RBFOX1: variants seen among roughly 807,000 people sequenced by gnomAD.
RBFOX1 encodes RNA binding protein fox-1 homolog 1.
Under a neutral mutation model 57.7 loss-of-function variants are expected in RBFOX1, and 8 were observed. The ratio of observed to expected loss-of-function variants is 0.14; its 90% CI spans 0.08 to 0.25. RBFOX1 has a LOEUF of 0.25. RBFOX1 is among the 10% of genes least tolerant of loss of function. The pLI, the probability that RBFOX1 is intolerant of heterozygous loss-of-function variation, is 1.00. For synonymous variants in RBFOX1, 326 were observed against 222.4 expected, an observed-to-expected ratio of 1.47 and a Z score of -4.15; for missense variants, 611 against 548.5, an observed-to-expected ratio of 1.11 and a Z score of -1.14.
At chr16:7,474,379 G>A (rs554330587) in intron 4 of RBFOX1, among the ~76,000 whole-genome samples, 1 of 152,216 alleles carries the variant, frequency 6.6e-6, no homozygotes, top group Middle Eastern at 3.4e-3. Context: ...ACCTTTTTGT[G>A]TTCCCCAGTG....
At chr16:5,299,393 GAATA>G (rs2063751345) in intron 1 of RBFOX1, among the ~76,000 whole-genome samples, 1 of 152,028 alleles carries the variant, frequency 6.6e-6, no homozygotes, top group Non-Finnish European at 1.5e-5. Context: ...AAACTTCTAT[GAATA>G]AATATTTACC....
chr16:7,647,545 G>C (rs1159152), intron 11 of RBFOX1, among the ~76,000 whole-genome samples: 1 of 95,994 alleles, frequency 1.0e-5, no homozygotes, highest in African/African-American at 3.7e-5. Flanking sequence ...AATTGAACTA[G>C]GAAAAAAAAA....
At chr16:5,607,217 C>T (rs1280589942) in intron 3 of RBFOX1, among the ~76,000 whole-genome samples, 4 of 152,150 alleles carry the variant, frequency 2.6e-5, no homozygotes, top group African/African-American at 7.2e-5. Flanking sequence ...ACCAAGTGTG[C>T]GGACGAGATA....
At chr16:6,184,280 A>G (rs903352931) in intron 1 of RBFOX1, among the ~76,000 whole-genome samples, 2 of 152,172 alleles carry the variant, frequency 1.3e-5, no homozygotes, top group Admixed American at 6.5e-5. Context: ...GAGGATGTTG[A>G]GCACATGAGC....
At chr16:5,283,779 A>G (rs1003421348) in intron 1 of RBFOX1, among the ~76,000 whole-genome samples, 7 of 152,198 alleles carry the variant, frequency 4.6e-5, no homozygotes, top group Admixed American at 2.6e-4. Flanking sequence ...TTACATGCTC[A>G]TAGGCGGAAG....
At chr16:7,205,145 G>A (rs1288637905) in intron 4 of RBFOX1, among the ~76,000 whole-genome samples, 1 of 152,134 alleles carries the variant, frequency 6.6e-6, no homozygotes, top group Non-Finnish European at 1.5e-5. Flanking sequence ...GTAAGATAGA[G>A]GCTGAGAGAC....
intron 2 of RBFOX1, among the ~76,000 whole-genome samples, chr16:5,476,859 A>G (rs1201018446): frequency 6.6e-6 from 1 of 152,260 alleles, no homozygotes; most frequent in African/African-American, 2.4e-5. Context: ...CAGCCCTCCA[A>G]GTTAACCTTT....
chr16:5,314,132 G>A (rs1340677578), intron 1 of RBFOX1, among the ~76,000 whole-genome samples: 1 of 152,200 alleles, frequency 6.6e-6, no homozygotes, highest in Non-Finnish European at 1.5e-5. Context: ...GCTGGGTGCT[G>A]TATTATCTAT....
chr16:6,438,779 A>T (rs919892270), intron 2 of RBFOX1, among the ~76,000 whole-genome samples: 1 of 152,076 alleles, frequency 6.6e-6, no homozygotes, highest in Non-Finnish European at 1.5e-5. Flanking sequence ...TTACTGAGAC[A>T]TGCATAATGC....
chr16:6,979,665 C>T (rs998984379), intron 3 of RBFOX1, among the ~76,000 whole-genome samples: 1 of 152,078 alleles, frequency 6.6e-6, no homozygotes, highest in African/African-American at 2.4e-5. Flanking sequence ...AGTTATGTTT[C>T]AATAGAATTC....
intron 3 of RBFOX1, among the ~76,000 whole-genome samples, chr16:7,002,994 C>G (rs1327383599): frequency 2.0e-5 from 3 of 151,386 alleles, no homozygotes; most frequent in Non-Finnish European, 4.4e-5. Flanking sequence ...TTTCTCCAAA[C>G]TATGAGTGGA....
chr16:6,832,759 C>CA (rs1417647022), intron 3 of RBFOX1, among the ~76,000 whole-genome samples: 34 of 152,198 alleles, frequency 2.2e-4, no homozygotes, highest in African/African-American at 8.2e-4. Flanking sequence ...ACTGTCCCTA[C>CA]CTGTTTGAGC....
At chr16:6,101,756 A>T (rs185220315) in intron 1 of RBFOX1, among the ~76,000 whole-genome samples, 2 of 152,172 alleles carry the variant, frequency 1.3e-5, no homozygotes, top group African/African-American at 4.8e-5. Context: ...ACCTGTCTGT[A>T]CTAAAAATAT....
intron 4 of RBFOX1, among the ~76,000 whole-genome samples, chr16:5,961,270 T>G (rs1347881847): frequency 6.6e-6 from 1 of 152,186 alleles, no homozygotes; most frequent in Admixed American, 6.5e-5. Flanking sequence ...GTTGTTGCAT[T>G]TAATCATCTT....
At chr16:5,811,230 C>T (rs1035357578) in intron 3 of RBFOX1, among the ~76,000 whole-genome samples, 5 of 149,668 alleles carry the variant, frequency 3.3e-5, no homozygotes, top group African/African-American at 1.2e-4. Context: ...GCAACTTCCG[C>T]CTCCCAGGTT....
At chr16:6,149,614 G>C (rs781155448) in intron 1 of RBFOX1, among the ~76,000 whole-genome samples, 3 of 152,162 alleles carry the variant, frequency 2.0e-5, no homozygotes, top group Non-Finnish European at 4.4e-5. Flanking sequence ...GATATGCATT[G>C]GGTCTTTTTC....
intron 2 of RBFOX1, among the ~76,000 whole-genome samples, chr16:5,514,374 A>T (rs749349850): frequency 6.6e-6 from 1 of 152,214 alleles, no homozygotes; most frequent in Non-Finnish European, 1.5e-5. Flanking sequence ...GAAAGGAAGT[A>T]GCAAGGTGTA....
chr16:6,905,147 T>G (rs1039860748), intron 3 of RBFOX1, among the ~76,000 whole-genome samples: 1 of 152,194 alleles, frequency 6.6e-6, no homozygotes, highest in Non-Finnish European at 1.5e-5. Flanking sequence ...ATTTTACAGT[T>G]GGTCAGGGTT....
intron 4 of RBFOX1, among the ~76,000 whole-genome samples, chr16:7,321,783 C>G (rs1277811074): frequency 6.6e-6 from 1 of 152,206 alleles, no homozygotes; most frequent in African/African-American, 2.4e-5. Flanking sequence ...AGTGGTTCCT[C>G]TTTTGATGTC....
Sources: gnomAD v4.1 joint callset for allele counts (sites outside exome capture counted in the v4.1 genomes callset) on GRCh38, gnomAD v4.1.1 for gene constraint, MANE v1.5 for transcripts, NCBI Gene and HGNC (gene_info 2026-07-23, HGNC 2026-07-21) for gene names.